Variants in DLGAP1 observed in about 807,000 individuals in gnomAD.
DLGAP1 encodes disks large-associated protein 1.
DLGAP1 carries 11 observed loss-of-function variants against 90.8 expected under a neutral mutation model. The ratio of observed to expected loss-of-function variants is 0.12; its 90% confidence interval spans 0.08 to 0.20. The LOEUF (loss-of-function observed/expected upper bound fraction) is 0.20. Ranked by LOEUF, DLGAP1 falls within the 10% of genes least tolerant of loss-of-function variation. The pLI is 1.00. For synonymous variants in DLGAP1, 558 were observed against 540.7 expected, an observed-to-expected ratio of 1.03 and a Z score of -0.44; for missense variants, 1,050 against 1,333.8, an observed-to-expected ratio of 0.79 and a Z score of 3.31.
chr18:4,040,071 T>C (rs1268914222), intron 2 of DLGAP1, among the ~76,000 whole-genome samples: 1 of 152,226 alleles, frequency 6.6e-6, no homozygotes, highest in African/African-American at 2.4e-5. Context: ...TCTTGTTTTC[T>C]AAAGATGTTT....
intron 3 of DLGAP1, among the ~76,000 whole-genome samples, chr18:3,930,153 A>G (rs1460411667): frequency 6.6e-6 from 1 of 152,178 alleles, no homozygotes. Context: ...TCTAATGAGG[A>G]TAATATTTTA....
intron 3 of DLGAP1, among the ~76,000 whole-genome samples, chr18:3,901,373 C>T (rs1016265947): frequency 2.0e-5 from 3 of 152,168 alleles, no homozygotes; most frequent in African/African-American, 4.8e-5. Flanking sequence ...TCTCTTCTCC[C>T]ACTGTGGGGT....
intron 2 of DLGAP1, among the ~76,000 whole-genome samples, chr18:4,036,852 A>G (rs578074047): frequency 6.6e-6 from 1 of 152,352 alleles, no homozygotes; most frequent in East Asian, 1.9e-4. Context: ...CCAACAGGAT[A>G]AGTATTCAAT....
chr18:3,574,599 T>C, intron 8 of DLGAP1, among the ~76,000 whole-genome samples: 1 of 152,164 alleles, frequency 6.6e-6, no homozygotes, highest in East Asian at 1.9e-4. Context: ...ATGATCTCCG[T>C]AAGGTTCATT....
chr18:3,934,855 G>A (rs971639256), intron 3 of DLGAP1, among the ~76,000 whole-genome samples: 3 of 152,204 alleles, frequency 2.0e-5, no homozygotes, highest in Admixed American at 1.3e-4. Context: ...TGGAGTGAGA[G>A]GGGTCTTTTC....
chr18:4,162,781 A>G (rs2076868282), intron 1 of DLGAP1, among the ~76,000 whole-genome samples: 1 of 152,186 alleles, frequency 6.6e-6, no homozygotes, highest in Admixed American at 6.5e-5. Context: ...TCTGAATAGA[A>G]ACAGCCACCC....
chr18:4,299,984 C>T (rs1346459020), intron 1 of DLGAP1, among the ~76,000 whole-genome samples: 1 of 146,978 alleles, frequency 6.8e-6, no homozygotes, highest in African/African-American at 2.5e-5. Context: ...ACCAGCAAAA[C>T]CTATTTAGAA....
rs968936161 is a variant in DLGAP1 at position 4,368,794 on chromosome 18, T to A, written c.-267+86212A>T. On this transcript the variant is annotated intron_variant, in intron 1 of 12. Coordinates refer to ENST00000315677, the MANE Select transcript of DLGAP1 (RefSeq NM_004746.4). ...AAGGTTTTAAATAAAGTATTAATAATGCCCAATATAATATTGAAATACAAA... is the reference window on the plus strand; with the variant it reads ...AAGGTTTTAAATAAAGTATTAATAAAGCCCAATATAATATTGAAATACAAA... Among the ~76,000 whole-genome samples, 19 of 148,328 alleles carry A rather than the reference T, an allele frequency of 1.3e-4. 1 individual carries two copies. Among genetic ancestry groups the A allele is most frequent in the Admixed American group, 1.1e-3 (16 of 14,736 alleles).
intron 2 of DLGAP1, among the ~76,000 whole-genome samples, chr18:4,098,403 T>C (rs2075719945): frequency 6.6e-6 from 1 of 151,902 alleles, no homozygotes; most frequent in South Asian, 2.1e-4. Context: ...AAAAGTAAAA[T>C]AAGGCTTTTA....
chr18:4,337,807 T>C (rs1309123036), intron 1 of DLGAP1, among the ~76,000 whole-genome samples: 1 of 152,216 alleles, frequency 6.6e-6, no homozygotes, highest in African/African-American at 2.4e-5. Context: ...GGAGCCATTT[T>C]AGTTTTTTTA....
At chr18:4,087,067 ACT>A (rs1190170208) in intron 2 of DLGAP1, among the ~76,000 whole-genome samples, 1 of 80,212 alleles carries the variant, frequency 1.2e-5, no homozygotes, top group Admixed American at 1.0e-4. Flanking sequence ...ATATACACAC[ACT>A]TATATATACA....
At chr18:4,360,142 G>A (rs2081601432) in intron 1 of DLGAP1, among the ~76,000 whole-genome samples, 1 of 152,176 alleles carries the variant, frequency 6.6e-6, no homozygotes, top group African/African-American at 2.4e-5. Flanking sequence ...GGGCACCATG[G>A]AATTACTTAG....
intron 1 of DLGAP1, among the ~76,000 whole-genome samples, chr18:4,376,474 T>C (rs1337179378): frequency 6.6e-6 from 1 of 152,158 alleles, no homozygotes; most frequent in Non-Finnish European, 1.5e-5. Flanking sequence ...GAAATAAAAG[T>C]GATCAATCTT....
intron 1 of DLGAP1, among the ~76,000 whole-genome samples, chr18:4,218,719 T>C (rs2078011396): frequency 6.6e-6 from 1 of 151,950 alleles, no homozygotes; most frequent in South Asian, 2.1e-4. Flanking sequence ...TCAGTATTTG[T>C]CTTTCTGTGT....
chr18:4,258,181 C>A (rs189780062), intron 1 of DLGAP1, among the ~76,000 whole-genome samples: 1 of 151,590 alleles, frequency 6.6e-6, no homozygotes, highest in Non-Finnish European at 1.5e-5. Context: ...AGACTACAGT[C>A]GTGCGCCACT....
At position 3,579,546 on chromosome 18, in the gene DLGAP1, A is replaced by G. The variant is rs998903434; in HGVS notation, c.1965+2329T>C. On this transcript the variant is annotated intron_variant, in intron 8 of 12. Coordinates refer to ENST00000315677, the MANE Select transcript of DLGAP1 (RefSeq NM_004746.4). ...TTAAATTAGCCTTAGAGTGGGTTCA[A>G]TGTGGATGGATTTATTCAACAGCAA... Among the ~76,000 whole-genome samples the G allele has an allele frequency of 4.6e-5, 7 of 152,208 alleles. 1 individual carries two copies. Among genetic ancestry groups the G allele is most frequent in the South Asian group, 4.1e-4 (2 of 4,836 alleles).
intron 1 of DLGAP1, among the ~76,000 whole-genome samples, chr18:4,231,994 T>C (rs2078309523): frequency 6.6e-6 from 1 of 152,186 alleles, no homozygotes; most frequent in South Asian, 2.1e-4. Context: ...GTTCAGTTCA[T>C]GTAGAACTGA....
intron 1 of DLGAP1, among the ~76,000 whole-genome samples, chr18:4,402,554 G>A (rs2082577547): frequency 6.6e-6 from 1 of 152,176 alleles, no homozygotes; most frequent in Non-Finnish European, 1.5e-5. Flanking sequence ...CAGACAGGGT[G>A]AAATGACATT....
chr18:3,991,024 G>A (rs373598498), intron 3 of DLGAP1, among the ~76,000 whole-genome samples: 1 of 152,086 alleles, frequency 6.6e-6, no homozygotes, highest in East Asian at 1.9e-4. Flanking sequence ...AGGGGTACAT[G>A]AGCAGGTTTG....
Sources: gnomAD v4.1 joint callset for allele counts (sites outside exome capture counted in the v4.1 genomes callset) on GRCh38, gnomAD v4.1.1 for gene constraint, MANE v1.5 for transcripts, NCBI Gene and HGNC (gene_info 2026-07-23, HGNC 2026-07-21) for gene names.